Variants in SEZ6L observed in about 807,000 individuals in gnomAD.
SEZ6L encodes the protein seizure 6-like protein.
Under a neutral mutation model 106.2 loss-of-function variants are expected in SEZ6L, and 37 were observed. The observed-to-expected ratio is 0.35, with a 90% confidence interval of 0.27 to 0.46. The LOEUF (loss-of-function observed/expected upper bound fraction) is 0.46, where lower values mean the gene tolerates loss of function less well. Ranked by LOEUF, SEZ6L falls within the 20% of genes least tolerant of loss-of-function variation. The pLI is 1.00. For missense variants in SEZ6L, 1,172 were observed against 1,332.8 expected, an observed-to-expected ratio of 0.88 and a Z score of 1.88; for synonymous variants, 541 against 570.4, an observed-to-expected ratio of 0.95 and a Z score of 0.73.
intron 9 of SEZ6L, among the ~76,000 whole-genome samples, chr22:26,339,196 G>A (rs569860027): frequency 3.2e-4 from 49 of 152,182 alleles, no homozygotes; most frequent in Middle Eastern, 6.8e-3. Context: ...TCACTACTCT[G>A]TGACCCTTCT....
chr22:26,343,251 G>A (rs1473083674), intron 10 of SEZ6L, among the ~76,000 whole-genome samples: 3 of 151,292 alleles, frequency 2.0e-5, no homozygotes, highest in African/African-American at 7.3e-5. Flanking sequence ...TGAAAGATGA[G>A]GTCATGGTTT....
chr22:26,311,927 A>G lies in SEZ6L; in HGVS notation c.1841A>G (p.Asp614Gly). 6.2e-7 allele frequency: 1 copy of G among 1,614,126 alleles called. No individual in the cohort carries two copies. The highest frequency in any genetic ancestry group is 1.3e-5 in the African/African-American group (1 of 75,012). ...ATCATCGAATGCATCAATGTGCGGG[A>G]CCCATACTGGAATGACACAGAGCCC... is the stretch of plus-strand genomic sequence containing the variant. ...PAIIECINVR[D>G]PYWNDTEPLC... Residue 614 changes from aspartate (D) to glycine (G), a missense_variant, in exon 8 of 17, where the codon GAC becomes GGC. Around this residue, in one of 4 missense-constraint regions of SEZ6L, gnomAD observed 534 missense variants for 691.0 expected, o/e 0.77. Coordinates refer to ENST00000248933, the MANE Select transcript of SEZ6L (RefSeq NM_021115.5).
At chr22:26,367,807 A>C (rs558434122) in intron 13 of SEZ6L, among the ~76,000 whole-genome samples, 4 of 152,240 alleles carry the variant, frequency 2.6e-5, no homozygotes, top group African/African-American at 9.6e-5. Context: ...TAACGCCCCC[A>C]GTTTGTGCAC....
At chr22:26,258,336 C>T (rs1408093031) in intron 1 of SEZ6L, among the ~76,000 whole-genome samples, 3 of 152,170 alleles carry the variant, frequency 2.0e-5, no homozygotes, top group Non-Finnish European at 4.4e-5. Context: ...TGAATGGTTA[C>T]AGGACAGTGT....
At chr22:26,320,394 T>C (rs2082122043) in intron 9 of SEZ6L, among the ~76,000 whole-genome samples, 2 of 152,238 alleles carry the variant, frequency 1.3e-5, no homozygotes, top group Non-Finnish European at 2.9e-5. Flanking sequence ...CCAAGGCAGC[T>C]GTCACGACTT....
chr22:26,305,343 A>G (rs1488379723), intron 5 of SEZ6L, among the ~76,000 whole-genome samples: 1 of 152,234 alleles, frequency 6.6e-6, no homozygotes, highest in Non-Finnish European at 1.5e-5. Flanking sequence ...TGGCGGATCA[A>G]AGTGTTTGAG....
At chr22:26,309,978 A>G (rs116510864) in intron 6 of SEZ6L, among the ~76,000 whole-genome samples, 2,051 of 152,356 alleles carry the variant, frequency 0.013, 52 homozygotes, top group African/African-American at 0.045. Context: ...GAGAAGTGAC[A>G]GAGTCAGGAC....
chr22:26,234,679 C>T (rs2078904141), intron 1 of SEZ6L, among the ~76,000 whole-genome samples: 1 of 152,188 alleles, frequency 6.6e-6, no homozygotes, highest in Admixed American at 6.5e-5. Flanking sequence ...CCACAATAGG[C>T]CTATTTCTGA....
At chr22:26,170,803 T>C (rs1938542244) in intron 1 of SEZ6L, among the ~76,000 whole-genome samples, 1 of 152,148 alleles carries the variant, frequency 6.6e-6, no homozygotes, top group Non-Finnish European at 1.5e-5. Flanking sequence ...TCCTCACGTG[T>C]AAAAAAGCAG....
At chr22:26,344,985 C>T (rs1023162338) in intron 10 of SEZ6L, among the ~76,000 whole-genome samples, 15 of 152,196 alleles carry the variant, frequency 9.9e-5, no homozygotes, top group African/African-American at 3.4e-4. Context: ...AACAAGGGCC[C>T]ATGGGAACAG....
chr22:26,255,863 C>T (rs1207390), intron 1 of SEZ6L, among the ~76,000 whole-genome samples: 32,489 of 152,140 alleles, frequency 0.21, 4,057 homozygotes, highest in South Asian at 0.32. Context: ...AGCAGACAGC[C>T]ATGTAGGGCA....
chr22:26,324,389 T>C (rs1601503319), intron 9 of SEZ6L, among the ~76,000 whole-genome samples: 1 of 152,152 alleles, frequency 6.6e-6, no homozygotes. Context: ...CAGGTAACCA[T>C]ATGATTGATA....
chr22:26,354,476 T>G (rs2083376043), intron 12 of SEZ6L, among the ~76,000 whole-genome samples: 1 of 152,184 alleles, frequency 6.6e-6, no homozygotes, highest in African/African-American at 2.4e-5. Flanking sequence ...CCAAGAAGTT[T>G]CTGCTGTCCT....
chr22:26,338,834 G>A (rs1382711811), intron 9 of SEZ6L, among the ~76,000 whole-genome samples: 2 of 139,162 alleles, frequency 1.4e-5, no homozygotes, highest in African/African-American at 5.1e-5. Context: ...GGGATTATAG[G>A]CGTGAGCCAC....
intron 1 of SEZ6L, among the ~76,000 whole-genome samples, chr22:26,206,338 C>A (rs1044139842): frequency 1.3e-5 from 2 of 152,170 alleles, no homozygotes; most frequent in African/African-American, 2.4e-5. Context: ...GCACCTCACC[C>A]CCTATGATCC....
At chr22:26,369,191 C>T (rs2083918406) in intron 13 of SEZ6L, among the ~76,000 whole-genome samples, 1 of 151,772 alleles carries the variant, frequency 6.6e-6, no homozygotes. Context: ...GGGTCTAAAG[C>T]AGGACCCAGG....
At chr22:26,193,303 A>G (rs1013008189) in intron 1 of SEZ6L, among the ~76,000 whole-genome samples, 2 of 152,194 alleles carry the variant, frequency 1.3e-5, no homozygotes, top group South Asian at 4.1e-4. Flanking sequence ...GCTTCAGCAT[A>G]TATATGAACT....
chr22:26,270,048 G>T (rs372779988), intron 1 of SEZ6L, among the ~76,000 whole-genome samples: 2 of 152,264 alleles, frequency 1.3e-5, no homozygotes, highest in East Asian at 1.9e-4. Context: ...CCCAGCCTTG[G>T]ACAGACCCAG....
intron 13 of SEZ6L, among the ~76,000 whole-genome samples, chr22:26,366,886 C>T (rs1305472168): frequency 1.3e-5 from 2 of 151,980 alleles, no homozygotes; most frequent in Non-Finnish European, 2.9e-5. Context: ...TGACCTCAAG[C>T]GATCCTCCCT....
Sources: allele counts gnomAD v4.1 joint callset (sites outside exome capture counted in the v4.1 genomes callset), GRCh38; gene constraint gnomAD v4.1.1; regional missense constraint gnomAD v4.1.1; transcripts MANE v1.5; gene names NCBI Gene and HGNC (gene_info 2026-07-23, HGNC 2026-07-21).